The following MED13 variants were observed in gnomAD, a reference collection of about 807,000 sequenced individuals.
MED13 encodes mediator complex subunit 13.
In MED13, 23 loss-of-function variants were observed where a neutral mutation model predicts 225.2. The observed-to-expected ratio is 0.10, with a 90% CI of 0.07 to 0.14. The LOEUF is 0.14. Ranked by LOEUF, MED13 falls within the 10% of genes least tolerant of loss-of-function variation. The pLI, the probability that MED13 is intolerant of heterozygous loss-of-function variation, is 1.00. For missense variants in MED13, 2,197 were observed against 2,594.5 expected (o/e 0.85, Z 3.33); for synonymous variants, 942 against 889.2 (o/e 1.06, Z -1.06).
rs773790888 is a variant in MED13, at chr17:61,965,446, T to C, written c.4404A>G (p.Pro1468=). ...GCTGGGAAAGTAGAGAGCTGTCCAA[T>C]GGCAGGGAAGCAAGATAAGGACCTA... ...YDLGPYLASL[P]LDSSLLSQPN... Residue 1468 remains proline (P), a synonymous_variant, in exon 20 of 30, where the codon CCA becomes CCG. Coordinates refer to ENST00000397786, the MANE Select transcript of MED13 (RefSeq NM_005121.3). 2.5e-6 allele frequency: 4 copies of C among 1,613,490 alleles called. No individual in the cohort carries two copies. Among genetic ancestry groups the C allele is most frequent in the Admixed American group, 3.3e-5 (2 of 59,978 alleles).
chr17:62,031,714 A>G, intron 5 of MED13, 76 bp from the exon 6 acceptor site: 1 of 899,166 alleles, frequency 1.1e-6, no homozygotes, highest in African/African-American at 1.7e-5. Flanking sequence ...AAAGTACTAT[A>G]ATGGAAAAGT....
chr17:61,964,924 AGACT>A, intron 20 of MED13, 78 bp downstream of exon 20: 1 of 1,329,962 alleles, frequency 7.5e-7, no homozygotes. Context: ...CAAAAGAGTG[AGACT>A]GTGTCTCAAG....
intron 16 of MED13, among the ~76,000 whole-genome samples, chr17:61,979,736 T>C (rs552181859): frequency 2.0e-5 from 3 of 152,326 alleles, no homozygotes; most frequent in Non-Finnish European, 4.4e-5. Context: ...ATTGTCTAAG[T>C]TTGCTTCTCA....
chr17:62,030,072 T>C, intron 6 of MED13, 59 bp from the exon 7 acceptor site: 1 of 1,354,832 alleles, frequency 7.4e-7, no homozygotes. Flanking sequence ...AAAGTAACAT[T>C]ATTTGGGTTT....
intron 17 of MED13, among the ~76,000 whole-genome samples, chr17:61,972,503 T>C (rs1428862924): frequency 6.6e-6 from 1 of 152,100 alleles, no homozygotes; most frequent in East Asian, 1.9e-4. Context: ...CCCCTATGTG[T>C]AAGAACAGAC....
At chr17:61,972,665 G>T in intron 17 of MED13, 62 bp downstream of exon 17, 1 of 1,375,206 alleles carries the variant, frequency 7.3e-7, no homozygotes, top group African/African-American at 1.5e-5. Flanking sequence ...TATTCTAGTT[G>T]GGCACAGAAA....
intron 3 of MED13, among the ~76,000 whole-genome samples, chr17:62,049,929 C>CAAAAAAAAAA (rs1340284683): frequency 5.2e-5 from 4 of 77,116 alleles, no homozygotes; most frequent in African/African-American, 2.5e-4. Context: ...GGCTCTGTCT[C>CAAAAAAAAAA]CAAAAAAAAA....
intron 2 of MED13, among the ~76,000 whole-genome samples, chr17:62,057,526 C>CTAAA (rs1052149334): frequency 1.3e-5 from 2 of 151,754 alleles, no homozygotes; most frequent in African/African-American, 4.8e-5. Context: ...AAATTACTCT[C>CTAAA]TTTAGACTAT....
intron 9 of MED13, chr17:62,007,521 A>C (rs1305169738): frequency 6.6e-6 from 1 of 152,118 alleles, no homozygotes; most frequent in Non-Finnish European, 1.5e-5. Context: ...AGAAATAGAG[A>C]ATTTCCAAAT....
At chr17:62,012,304 A>G (rs2080517950) in intron 8 of MED13, among the ~76,000 whole-genome samples, 2 of 151,858 alleles carry the variant, frequency 1.3e-5, no homozygotes, top group South Asian at 2.1e-4. Context: ...ATATACACAT[A>G]ACATTATTTT....
At chr17:61,989,148 C>T (rs2080273518) in intron 11 of MED13, among the ~76,000 whole-genome samples, 1 of 151,318 alleles carries the variant, frequency 6.6e-6, no homozygotes, top group Admixed American at 6.6e-5. Context: ...GTAGCTGGGA[C>T]TACAGGTGTG....
chr17:61,947,338 T>C (rs2079859317), intron 28 of MED13, among the ~76,000 whole-genome samples: 1 of 152,066 alleles, frequency 6.6e-6, no homozygotes, highest in Non-Finnish European at 1.5e-5. Flanking sequence ...TAGCCAGAAG[T>C]GATTTTTAAG....
intron 16 of MED13, among the ~76,000 whole-genome samples, chr17:61,976,726 AG>A (rs1186564230): frequency 6.6e-6 from 1 of 152,150 alleles, no homozygotes; most frequent in Non-Finnish European, 1.5e-5. Flanking sequence ...CGAGGTCAGG[AG>A]ATCGAGACCA....
chr17:61,981,029 T>C (rs1359878796), intron 16 of MED13, among the ~76,000 whole-genome samples: 2 of 143,270 alleles, frequency 1.4e-5, no homozygotes, highest in East Asian at 2.1e-4. Flanking sequence ...CAGCCATTTT[T>C]TTTTTCTTTT....
chr17:61,965,165 C>T lies in MED13; in HGVS notation c.4685G>A (p.Gly1562Asp), dbSNP rs758185482. ...TCCTGCAGCATTACTGTTCATACTG[C>T]CAAAGGGTGGAAACGAAGGTAGTTT... ...SNKLPSFPPF[G>D]SMNSNAAGSM... The change falls in exon 20 of 30, where the codon GGC becomes GAC. Residue 1562 changes from glycine (G) to aspartate (D), a missense_variant. Gly to Asp is a moderately conservative substitution (Grantham distance 94). Coordinates refer to ENST00000397786, the MANE Select transcript of MED13 (RefSeq NM_005121.3). 3 of 1,614,016 alleles carry T rather than the reference C, an allele frequency of 1.9e-6. No individual in the cohort carries two copies. The Admixed American group carries it at 5.0e-5, about 27-fold the overall frequency.
At chr17:62,041,576 A>G (rs1228274753) in intron 3 of MED13, among the ~76,000 whole-genome samples, 1 of 151,848 alleles carries the variant, frequency 6.6e-6, no homozygotes, top group Admixed American at 6.6e-5. Flanking sequence ...AACTGTAGTC[A>G]TCTTTTTTTT....
intron 23 of MED13, among the ~76,000 whole-genome samples, chr17:61,958,782 T>C (rs889290898): frequency 1.3e-5 from 2 of 152,184 alleles, no homozygotes; most frequent in African/African-American, 4.8e-5. Context: ...CAACAGTGGC[T>C]ATGACTTACT....
rs145582580 is a variant in MED13 at position 62,011,788 on chromosome 17, T to G, written c.1284-555A>C. Among the ~76,000 whole-genome samples, 680 of 152,220 alleles carry G rather than the reference T, an allele frequency of 4.5e-3. 6 individuals carry two copies. The highest frequency in any genetic ancestry group is 0.016 in the African/African-American group (647 of 41,538). On this transcript the variant is annotated intron_variant, in intron 8 of 29. Transcript: ENST00000397786. Reference sequence around the variant, plus strand: ...ACCATACCTACCTTCTCCAAATACTTAGCACTACAAAAAGAATAAACTGAC... The same window carrying G: ...ACCATACCTACCTTCTCCAAATACTGAGCACTACAAAAAGAATAAACTGAC...
intron 3 of MED13, among the ~76,000 whole-genome samples, chr17:62,039,492 A>G (rs2080834416): frequency 6.6e-6 from 1 of 151,878 alleles, no homozygotes. Context: ...CATGTTGGCC[A>G]GGCTGGTCTC....
Sources: gnomAD v4.1 joint callset for allele counts (sites outside exome capture counted in the v4.1 genomes callset) on GRCh38, gnomAD v4.1.1 for gene constraint, MANE v1.5 for transcripts, NCBI Gene and HGNC (gene_info 2026-07-23, HGNC 2026-07-21) for gene names.